The following NPAS2 variants were observed in gnomAD, a reference collection of about 807,000 sequenced individuals.
NPAS2 encodes the protein neuronal PAS domain-containing protein 2.
NPAS2 carries 23 observed loss-of-function variants against 107.5 expected under a neutral mutation model. That is an observed-to-expected ratio of 0.21 (90% CI 0.15 to 0.30). The LOEUF (loss-of-function observed/expected upper bound fraction) is 0.30, where lower values mean the gene tolerates loss of function less well. NPAS2 is among the 10% of genes least tolerant of loss of function. The probability of loss-of-function intolerance (pLI) is 1.00; values close to 1 mark genes in which losing one functional copy is unlikely to be tolerated. For synonymous variants in NPAS2, 403 were observed against 417.5 expected, an observed-to-expected ratio of 0.97 and a Z score of 0.42; for missense variants, 756 against 1,043.3, an observed-to-expected ratio of 0.72 and a Z score of 3.79.
intron 1 of NPAS2, among the ~76,000 whole-genome samples, chr2:100,880,685 T>TG (rs1456157759): frequency 6.6e-5 from 10 of 152,292 alleles, no homozygotes; most frequent in African/African-American, 2.2e-4. Context: ...AAGGTGGTAG[T>TG]TGCACAACAT....
intron 2 of NPAS2, among the ~76,000 whole-genome samples, chr2:100,913,275 T>C (rs551962663): frequency 6.6e-6 from 1 of 152,322 alleles, no homozygotes; most frequent in East Asian, 1.9e-4. Context: ...GGGAGCCTGC[T>C]AGTGCTCCCT....
chr2:100,981,494 G>A (rs1342191685), intron 15 of NPAS2, among the ~76,000 whole-genome samples: 1 of 152,142 alleles, frequency 6.6e-6, no homozygotes, highest in Non-Finnish European at 1.5e-5. Context: ...CTACCTGCAA[G>A]TTTCCTAAGG....
chr2:100,879,694 G>A (rs1680213337), intron 1 of NPAS2, among the ~76,000 whole-genome samples: 2 of 152,212 alleles, frequency 1.3e-5, no homozygotes, highest in Non-Finnish European at 1.5e-5. Flanking sequence ...TTTAGAGACA[G>A]TGCTCACTGT....
At chr2:100,837,980 GA>G (rs1677170144) in intron 1 of NPAS2, among the ~76,000 whole-genome samples, 2 of 152,110 alleles carry the variant, frequency 1.3e-5, no homozygotes, top group South Asian at 4.1e-4. Flanking sequence ...CCCAGGGTGG[GA>G]ACAGGTCTTC....
chr2:100,958,008 A>G (rs1045694212), intron 7 of NPAS2, among the ~76,000 whole-genome samples: 21 of 152,172 alleles, frequency 1.4e-4, no homozygotes, highest in African/African-American at 5.1e-4. Context: ...CAAGAAGGCA[A>G]TCCTTTCTCT....
At chr2:100,936,129 G>A (rs1045153190) in intron 4 of NPAS2, among the ~76,000 whole-genome samples, 4 of 152,188 alleles carry the variant, frequency 2.6e-5, no homozygotes, top group African/African-American at 9.7e-5. Flanking sequence ...AGCTGTCGGT[G>A]TAAAATAATA....
intron 5 of NPAS2, among the ~76,000 whole-genome samples, chr2:100,944,270 C>T (rs1674754977): frequency 6.6e-6 from 1 of 152,184 alleles, no homozygotes; most frequent in South Asian, 2.1e-4. Context: ...GATCTCAAGC[C>T]AAAACTGCCA....
chr2:100,956,749 C>T (rs915377931), intron 7 of NPAS2, among the ~76,000 whole-genome samples: 1 of 152,142 alleles, frequency 6.6e-6, no homozygotes, highest in Admixed American at 6.5e-5. Context: ...GGAGAGGGCT[C>T]TGTGTGAGCC....
intron 19 of NPAS2, among the ~76,000 whole-genome samples, chr2:100,993,041 T>C (rs572088777): frequency 9.1e-4 from 138 of 152,184 alleles, no homozygotes; most frequent in African/African-American, 3.2e-3. Context: ...GCTATTCTCC[T>C]GCCTCAGCCT....
At chr2:100,903,484 T>C (rs1466784223) in intron 1 of NPAS2, among the ~76,000 whole-genome samples, 1 of 152,228 alleles carries the variant, frequency 6.6e-6, no homozygotes, top group African/African-American at 2.4e-5. Context: ...CCCATGTTTG[T>C]GTACGTAGGT....
At chr2:100,862,883 G>T (rs1679031063) in intron 1 of NPAS2, among the ~76,000 whole-genome samples, 1 of 152,172 alleles carries the variant, frequency 6.6e-6, no homozygotes, top group Non-Finnish European at 1.5e-5. Flanking sequence ...GGACGTATGT[G>T]AGTGACCCTC....
chr2:100,853,342 C>T (rs1281915403), intron 1 of NPAS2, among the ~76,000 whole-genome samples: 3 of 152,162 alleles, frequency 2.0e-5, no homozygotes, highest in South Asian at 2.1e-4. Context: ...AGAATTTGCT[C>T]AGTAAATTGT....
intron 2 of NPAS2, among the ~76,000 whole-genome samples, chr2:100,914,675 T>C (rs1682761973): frequency 6.6e-6 from 1 of 152,212 alleles, no homozygotes; most frequent in Non-Finnish European, 1.5e-5. Flanking sequence ...GCCACCAGGC[T>C]TTTATATTCT....
chr2:100,925,262 A>G lies in NPAS2; in HGVS notation c.149A>G (p.Glu50Gly), dbSNP rs1683484536. The change falls in exon 3 of 21, where the codon GAA (glutamate) becomes GGA (glycine). Residue 50 changes from glutamate to glycine, a missense_variant. Coordinates refer to ENST00000335681, the MANE Select transcript of NPAS2 (RefSeq NM_002518.4). ...AAAATGGACAAAACCACCGTGTTGG[A>G]AAAGGTCATCGGATTTTTGCAGAAA... The part of the protein sequence containing the change: ...TRKMDKTTVL[E>G]KVIGFLQKHN... The G allele has an allele frequency of 6.2e-7, 1 of 1,613,922 alleles. No homozygotes were observed. The highest frequency in any genetic ancestry group is 2.2e-5 in the East Asian group (1 of 44,870).
chr2:100,955,136 G>A (rs1001803733), intron 7 of NPAS2, among the ~76,000 whole-genome samples: 7 of 152,028 alleles, frequency 4.6e-5, no homozygotes, highest in Non-Finnish European at 7.4e-5. Flanking sequence ...TGGCCTATCT[G>A]CTGTATTTTT....
In NPAS2 at chr2:100,878,490, G is replaced by A. The variant is rs919503307; in HGVS notation, c.-22-26243G>A. On this transcript the variant is annotated intron_variant, in intron 1 of 20. Transcript: ENST00000335681. ...AGCTCCCTCTGTGACATTGAAGCAA[G>A]AAGAAAAGGCATGGAGAGATTTGGC... The A allele has an allele frequency of 7.1e-6, 7 of 985,324 alleles. No individual in the cohort carries two copies. In the African/African-American group the frequency reaches 1.2e-4, roughly 17 times the overall value. The allele number at this position is 985,324 out of a possible 1,614,324, so 61.0% of individuals were successfully genotyped here.
chr2:100,836,726 A>G (rs1181514103), intron 1 of NPAS2, among the ~76,000 whole-genome samples: 6 of 152,258 alleles, frequency 3.9e-5, no homozygotes, highest in South Asian at 2.1e-4. Flanking sequence ...CCTGGGTTCT[A>G]TGGCATTGCA....
intron 1 of NPAS2, among the ~76,000 whole-genome samples, chr2:100,874,433 CA>C (rs1161065339): frequency 1.3e-5 from 2 of 152,078 alleles, no homozygotes; most frequent in East Asian, 3.9e-4. Flanking sequence ...TCTCATATAG[CA>C]ACTACCACTT....
chr2:100,905,102 A>G (rs1003334827), intron 2 of NPAS2, among the ~76,000 whole-genome samples: 1 of 152,146 alleles, frequency 6.6e-6, no homozygotes, highest in African/African-American at 2.4e-5. Context: ...CAGGACAGAC[A>G]CTGCTTGACA....
Sources: gnomAD v4.1 joint callset for allele counts (sites outside exome capture counted in the v4.1 genomes callset) on GRCh38, gnomAD v4.1.1 for gene constraint, MANE v1.5 for transcripts, NCBI Gene and HGNC (gene_info 2026-07-23, HGNC 2026-07-21) for gene names.